The following HHLA1 variants were observed in gnomAD, a reference collection of about 807,000 sequenced individuals.
The protein encoded by HHLA1 is HHLA1 neighbor of OC90.
A neutral mutation model predicts 69.9 loss-of-function variants in HHLA1; 72 were observed. The ratio of observed to expected loss-of-function variants is 1.03; its 90% CI spans 0.85 to 1.25. HHLA1 has a LOEUF of 1.25. HHLA1 is among the 50% of genes most tolerant of loss of function. HHLA1 has a pLI of 0.00. For missense variants in HHLA1, 685 were observed against 642.2 expected, an observed-to-expected ratio of 1.07 and a Z score of -0.72; for synonymous variants, 252 against 233.2, an observed-to-expected ratio of 1.08 and a Z score of -0.73.
intron 3 of HHLA1, 58 bp downstream of exon 3, chr8:132,104,050 A>G (rs1182715711): frequency 1.7e-6 from 2 of 1,173,550 alleles, no homozygotes; most frequent in Admixed American, 2.0e-5. Context: ...GGCTTGGGGA[A>G]GTCAAGGAAT....
rs1457695590 is a variant in HHLA1 at position 132,085,500 on chromosome 8, G to A, written c.676+2153C>T. ...CTCATGGAGCAAAGAACAGGAGGAC[G>A]GGGATTGATTTCCCAAGGGAGGTCC... On this transcript the variant is annotated intron_variant, in intron 10 of 16. Coordinates refer to ENST00000414222, the MANE Select transcript of HHLA1 (RefSeq NM_001145095.3). 10 of 367,440 alleles carry A rather than the reference G, an allele frequency of 2.7e-5. No homozygotes were observed. The East Asian group carries it at 3.6e-4, about 13-fold the overall frequency. The allele number at this position is 367,440 out of a possible 1,614,324, so 22.8% of individuals were successfully genotyped here. A position where few individuals can be genotyped will look rare whatever the true frequency, so the allele number is the denominator to read the frequency against.
At chr8:132,098,768 G>A (rs1158988122) in intron 5 of HHLA1, 114 bp downstream of exon 5, 6 of 657,316 alleles carry the variant, frequency 9.1e-6, no homozygotes, top group Admixed American at 2.8e-5. Flanking sequence ...TCTGAACACC[G>A]AGAAACTGAC....
intron 10 of HHLA1, among the ~76,000 whole-genome samples, chr8:132,085,028 CAGAGAAGGGGTAGAGACAAGG>C (rs1431864787): frequency 6.6e-6 from 1 of 151,538 alleles, no homozygotes; most frequent in Admixed American, 6.6e-5. Context: ...CCCAGGAAAG[CAGAGAAGGGGTAGAGACAAGG>C]AGAGAAGGGG....
chr8:132,065,525 G>A (rs930850185), intron 16 of HHLA1, among the ~76,000 whole-genome samples: 11 of 152,118 alleles, frequency 7.2e-5, no homozygotes, highest in African/African-American at 1.2e-4. Flanking sequence ...CTCGTGATCC[G>A]CCCGCCTTGG....
At chr8:132,068,548 A>T (rs900208723) in intron 15 of HHLA1, among the ~76,000 whole-genome samples, 1 of 152,242 alleles carries the variant, frequency 6.6e-6, no homozygotes, top group Non-Finnish European at 1.5e-5. Context: ...TCAGTTGTTA[A>T]GGTGGCCTAT....
Position 132,077,824 on chromosome 8 carries a change from G to A in HHLA1, c.1073C>T (p.Ala358Val). Reference protein sequence around the residue: ...WETRSSPPTTAGTEEAMNTTS... With the variant: ...WETRSSPPTTVGTEEAMNTTS... ...AGTGTTCATGGCTTCCTCGGTCCCTGCAGTAGTCGGTGGGGAAGAACGAGT... is the reference window on the plus strand; with the variant it reads ...AGTGTTCATGGCTTCCTCGGTCCCTACAGTAGTCGGTGGGGAAGAACGAGT... The change falls in exon 12 of 17, where the codon GCA becomes GTA. Residue 358 changes from alanine to valine, a missense_variant. Coordinates refer to ENST00000414222, the MANE Select transcript of HHLA1 (RefSeq NM_001145095.3). 6.4e-7 allele frequency: 1 copy of A among 1,551,608 alleles called. No homozygotes were observed. The highest frequency in any genetic ancestry group is 8.7e-7 in the Non-Finnish European group (1 of 1,146,958).
intron 10 of HHLA1, among the ~76,000 whole-genome samples, chr8:132,081,257 G>A (rs1175968141): frequency 6.6e-6 from 1 of 152,164 alleles, no homozygotes; most frequent in South Asian, 2.1e-4. Flanking sequence ...GGGATGACAA[G>A]TTTTTTGGGG....
At chr8:132,097,406 G>T (rs1020252059) in intron 5 of HHLA1, among the ~76,000 whole-genome samples, 1 of 152,166 alleles carries the variant, frequency 6.6e-6, no homozygotes, top group African/African-American at 2.4e-5. Context: ...AAACAGTTCT[G>T]AATTCCAACT....
At position 132,086,256 on chromosome 8, in the gene HHLA1, G is replaced by T. The variant is rs186993238; in HGVS notation, c.676+1397C>A. On this transcript the variant is annotated intron_variant, in intron 10 of 16. Transcript: ENST00000414222. ...GGCTCCTATTAGCCCATAGAGTCCC[G>T]TTGGGAAGACAAAGACTGGCCTATA... is the stretch of plus-strand genomic sequence containing the variant. 6.1e-3 allele frequency among the ~76,000 whole-genome samples: 933 copies of T among 152,294 alleles called. 8 individuals carry two copies. Among genetic ancestry groups the T allele is most frequent in the African/African-American group, 0.022 (900 of 41,554 alleles).
chr8:132,088,134 A>G (rs1257516584), intron 8 of HHLA1, among the ~76,000 whole-genome samples: 4 of 152,182 alleles, frequency 2.6e-5, no homozygotes, highest in African/African-American at 7.2e-5. Context: ...TTCTAGGGTT[A>G]CATCAGCTCT....
rs567770900 is a variant in HHLA1, at chr8:132,085,329, T to C, written c.676+2324A>G. ...AGAGAAGGGAGAGATTGAAGTGTGG[T>C]GCCAAGATTGAAAGGAGAAAGAGGT... On this transcript the variant is annotated intron_variant, in intron 10 of 16. Transcript: ENST00000414222. 942 of 208,040 alleles carry C rather than the reference T, an allele frequency of 4.5e-3. 9 individuals carry two copies. The highest frequency in any genetic ancestry group is 0.022 in the African/African-American group (907 of 41,976). 12.9% of individuals were successfully genotyped at this position (208,040 alleles called of 1,614,324 possible).
chr8:132,099,520 G>A (rs917174188), intron 4 of HHLA1, among the ~76,000 whole-genome samples: 1 of 152,216 alleles, frequency 6.6e-6, no homozygotes, highest in African/African-American at 2.4e-5. Context: ...TGTGCAGTGA[G>A]TGGAGTTAAA....
chr8:132,093,645 T>G (rs1823977588), intron 7 of HHLA1, among the ~76,000 whole-genome samples: 1 of 152,162 alleles, frequency 6.6e-6, no homozygotes, highest in South Asian at 2.1e-4. Context: ...GGATCATTCT[T>G]TTCATATAAT....
At chr8:132,086,961 A>C (rs1466381742) in intron 10 of HHLA1, among the ~76,000 whole-genome samples, 1 of 152,254 alleles carries the variant, frequency 6.6e-6, no homozygotes, top group African/African-American at 2.4e-5. Flanking sequence ...GAAACTACTT[A>C]TTCTACCTTA....
chr8:132,104,168 C>T lies in HHLA1; in HGVS notation c.80-1G>A, dbSNP rs1353465866. 1.3e-6 allele frequency: 2 copies of T among 1,547,936 alleles called. No homozygotes were observed. The highest frequency in any genetic ancestry group is 4.9e-5 in the East Asian group (2 of 40,868). ...TTGGCTTCTCCTTTGATGCCAGACACTAAAGTAAAAAAGGTTTAATCACAG... is the reference window on the plus strand; with the variant it reads ...TTGGCTTCTCCTTTGATGCCAGACATTAAAGTAAAAAAGGTTTAATCACAG... On this transcript the variant is annotated splice_acceptor_variant, in intron 2 of 16. Coordinates refer to ENST00000414222, the MANE Select transcript of HHLA1 (RefSeq NM_001145095.3). LOFTEE classifies it high-confidence loss of function.
intron 3 of HHLA1, among the ~76,000 whole-genome samples, chr8:132,100,865 A>C (rs577635427): frequency 6.6e-6 from 1 of 152,338 alleles, no homozygotes; most frequent in South Asian, 2.1e-4. Flanking sequence ...GACCAGAAGG[A>C]TCAGTTATTT....
At chr8:132,095,895 G>A in intron 5 of HHLA1, 109 bp from the exon 6 acceptor site, 6 of 592,368 alleles carry the variant, frequency 1.0e-5, no homozygotes, top group South Asian at 3.2e-5. Flanking sequence ...AGAAACCAAT[G>A]ATGAAAATAA....
At chr8:132,068,630 T>C (rs1823479069) in intron 15 of HHLA1, among the ~76,000 whole-genome samples, 1 of 152,226 alleles carries the variant, frequency 6.6e-6, no homozygotes, top group African/African-American at 2.4e-5. Flanking sequence ...GAAACTAGTG[T>C]TGAAGCACCC....
chr8:132,101,162 C>T, intron 3 of HHLA1: 1 of 1,525,752 alleles, frequency 6.6e-7, no homozygotes, highest in African/African-American at 1.4e-5. Flanking sequence ...AAATAGAAAA[C>T]AACAAGCCAC....
Sources: allele counts gnomAD v4.1 joint callset (sites outside exome capture counted in the v4.1 genomes callset), GRCh38; gene constraint gnomAD v4.1.1; transcripts MANE v1.5; gene names NCBI Gene and HGNC (gene_info 2026-07-23, HGNC 2026-07-21).